The following CLCN5 variants were observed in gnomAD, a reference collection of about 807,000 sequenced individuals.
The protein encoded by CLCN5 is H(+)/Cl(-) exchange transporter 5.
CLCN5 carries 17 observed loss-of-function variants against 54.0 expected under a neutral mutation model. The observed-to-expected ratio is 0.31, with a 90% CI of 0.22 to 0.47. CLCN5 has a LOEUF of 0.47. Ranked by LOEUF, CLCN5 falls within the 20% of genes least tolerant of loss-of-function variation. The pLI is 1.00. For missense variants in CLCN5, 448 were observed against 646.7 expected (o/e 0.69, Z 3.33); for synonymous variants, 222 against 233.0 (o/e 0.95, Z 0.43).
intron 3 of CLCN5, among the ~76,000 whole-genome samples, chrX:49,965,254 ATATAAT>A (rs1927783829): frequency 1.8e-5 from 2 of 111,550 alleles, no homozygotes; most frequent in East Asian, 5.6e-4. Context: ...CTCTATTGAG[ATATAAT>A]TATATACAAT....
At chrX:50,031,906 T>A (rs1218116953) in intron 3 of CLCN5, among the ~76,000 whole-genome samples, 1 of 84,686 alleles carries the variant, frequency 1.2e-5, no homozygotes, top group African/African-American at 4.6e-5. Context: ...AGTGTGATGT[T>A]CCCCTTGCTG....
intron 4 of CLCN5, among the ~76,000 whole-genome samples, chrX:50,057,945 C>G (rs1557189287): frequency 9.1e-6 from 1 of 110,372 alleles, no homozygotes; most frequent in Non-Finnish European, 1.9e-5. Flanking sequence ...AGAAGGGAAG[C>G]AGGATGCGGG....
chrX:50,087,529 T>G (rs1209119358), intron 11 of CLCN5, among the ~76,000 whole-genome samples: 1 of 111,776 alleles, frequency 8.9e-6, no homozygotes, highest in African/African-American at 3.3e-5. Flanking sequence ...AAAAGAAAAT[T>G]TGTTAAGGTA....
At chrX:50,009,814 C>T (rs781787575) in intron 3 of CLCN5, 3 of 383,663 alleles carry the variant, frequency 7.8e-6, no homozygotes, top group African/African-American at 2.6e-5. Context: ...GCCCCCTCTG[C>T]GTGGAGAACA....
At chrX:50,072,994 T>G (rs782571833) in intron 6 of CLCN5, among the ~76,000 whole-genome samples, 1 of 110,136 alleles carries the variant, frequency 9.1e-6, no homozygotes, top group Non-Finnish European at 1.9e-5. Context: ...ACTCTCTCAT[T>G]TGGTGATGCA....
At chrX:49,944,790 G>C (rs782356826) in intron 3 of CLCN5, among the ~76,000 whole-genome samples, 121 of 111,691 alleles carry the variant, frequency 1.1e-3, no homozygotes, top group African/African-American at 3.7e-3. Context: ...TTGATGTGCT[G>C]CTGGATTCGG....
intron 7 of CLCN5, among the ~76,000 whole-genome samples, chrX:50,077,609 AGAGAGAGAGAGAGTGT>A (rs1253232782): frequency 2.1e-5 from 2 of 95,954 alleles, no homozygotes; most frequent in African/African-American, 7.8e-5. Flanking sequence ...AGAGAGAGAG[AGAGAGAGAGAGAGTGT>A]GTGTGTGTGT....
intron 11 of CLCN5, 138 bp from the exon 12 acceptor site, chrX:50,088,560 A>G (rs1933974257): frequency 1.7e-6 from 1 of 584,834 alleles, no homozygotes; most frequent in African/African-American, 2.2e-5. Context: ...ACACACCTTT[A>G]CAGCCACTTG....
At chrX:50,077,613 AGAGAGAGAGTGT>A (rs1342060269) in intron 7 of CLCN5, among the ~76,000 whole-genome samples, 9 of 91,143 alleles carry the variant, frequency 9.9e-5, no homozygotes, top group Middle Eastern at 5.3e-3. Context: ...AGAGAGAGAG[AGAGAGAGAGTGT>A]GTGTGTGTGT....
At chrX:50,085,944 A>G in intron 9 of CLCN5, 36 bp from the exon 10 acceptor site, 1 of 1,065,177 alleles carries the variant, frequency 9.4e-7, no homozygotes, top group South Asian at 1.9e-5. Flanking sequence ...GGAAAGCAGC[A>G]TTATTCTGTC....
At chrX:50,018,884 A>G (rs1370021608) in intron 3 of CLCN5, among the ~76,000 whole-genome samples, 5 of 111,579 alleles carry the variant, frequency 4.5e-5, no homozygotes, top group East Asian at 2.8e-4. Context: ...TTTTGCATCT[A>G]TGTTCATGGG....
At chrX:50,084,080 C>T (rs781822161) in intron 9 of CLCN5, among the ~76,000 whole-genome samples, 15 of 111,900 alleles carry the variant, frequency 1.3e-4, no homozygotes, top group East Asian at 8.4e-4. Flanking sequence ...TAGGAGATTT[C>T]GTCACTGTGC....
intron 4 of CLCN5, among the ~76,000 whole-genome samples, chrX:50,048,633 A>G (rs923236722): frequency 9.0e-6 from 1 of 111,629 alleles, no homozygotes; most frequent in African/African-American, 3.3e-5. Context: ...TTTCCCTTTG[A>G]CAAACTCCTA....
chrX:49,953,162 A>T (rs1028808570), intron 3 of CLCN5, among the ~76,000 whole-genome samples: 3 of 112,066 alleles, frequency 2.7e-5, no homozygotes, highest in African/African-American at 9.8e-5. Flanking sequence ...CTGGGATTAC[A>T]GGCGTGAGCC....
intron 3 of CLCN5, among the ~76,000 whole-genome samples, chrX:49,989,074 C>CT (rs67216427): frequency 3.4e-3 from 331 of 97,902 alleles, no homozygotes; most frequent in South Asian, 0.012. Context: ...TATCATACCT[C>CT]TTTTTTTTTT....
chrX:49,963,022 G>T (rs1308969519), intron 3 of CLCN5, among the ~76,000 whole-genome samples: 1 of 111,907 alleles, frequency 8.9e-6, no homozygotes. Flanking sequence ...GAGCTGAGAG[G>T]TGAAAGAAGT....
Position 50,086,876 on chromosome X carries a change from G to A in CLCN5, c.1557+6G>A, listed in dbSNP as rs781833645. The A allele has an allele frequency of 1.7e-5, 21 of 1,207,798 alleles. No homozygotes were observed. The East Asian group carries it at 5.9e-4, about 34-fold the overall frequency. On this transcript the variant is annotated splice_donor_region_variant and intron_variant, in intron 11 of 14. Coordinates refer to ENST00000376091, the MANE Select transcript of CLCN5 (RefSeq NM_001127898.4). ...TATTCACCTTTGGCATGAAGGTGAG[G>A]AATTCTTTTGGGACTCAGTGGCTGC... is the stretch of plus-strand genomic sequence containing the variant.
chrX:50,006,113 T>C lies in CLCN5; in HGVS notation c.17-36203T>C, dbSNP rs782608436. On this transcript the variant is annotated intron_variant, in intron 3 of 14. Coordinates refer to ENST00000376091, the MANE Select transcript of CLCN5 (RefSeq NM_001127898.4). The stretch of plus-strand genomic sequence containing the variant: ...AACTGGGAGACCAGTTAGGAGGCCA[T>C]TGAAATAATTCAGTTGAGAGATGGA... Among the ~76,000 whole-genome samples, 4 of 112,108 alleles carry C rather than the reference T, an allele frequency of 3.6e-5. No individual in the cohort carries two copies. In the Admixed American group the frequency reaches 3.8e-4, roughly 11 times the overall value.
chrX:50,062,141 A>G (rs1266042656), intron 4 of CLCN5, among the ~76,000 whole-genome samples: 1 of 104,749 alleles, frequency 9.5e-6, no homozygotes, highest in East Asian at 3.0e-4. Flanking sequence ...TGACAGGATC[A>G]AATTCACACA....
Sources: gnomAD v4.1 joint callset for allele counts (sites outside exome capture counted in the v4.1 genomes callset) on GRCh38, gnomAD v4.1.1 for gene constraint, MANE v1.5 for transcripts, NCBI Gene and HGNC (gene_info 2026-07-23, HGNC 2026-07-21) for gene names.